Variants in CEMIP observed in about 807,000 individuals in gnomAD.
CEMIP encodes cell migration inducing hyaluronidase 1.
In CEMIP, 105 loss-of-function variants were observed where a neutral mutation model predicts 156.9. The observed-to-expected ratio is 0.67, with a 90% CI of 0.57 to 0.79. CEMIP has a LOEUF of 0.79. CEMIP is among the 30% of genes least tolerant of loss of function. The pLI, the probability that CEMIP is intolerant of heterozygous loss-of-function variation, is 0.00. For synonymous variants in CEMIP, 676 were observed against 668.4 expected, an observed-to-expected ratio of 1.01 and a Z score of -0.17; for missense variants, 1,457 against 1,769.4, an observed-to-expected ratio of 0.82 and a Z score of 3.17.
intron 14 of CEMIP, among the ~76,000 whole-genome samples, chr15:80,918,453 G>T (rs546857856): frequency 2.0e-5 from 3 of 152,270 alleles, no homozygotes; most frequent in Middle Eastern, 3.4e-3. Flanking sequence ...GCATCTAATA[G>T]GTAGAGGCCA....
chr15:80,908,989 GGA>G lies in CEMIP; in HGVS notation c.1588-105_1588-104del, dbSNP rs892839915. 3 of 1,026,490 alleles carry G rather than the reference GGA, an allele frequency of 2.9e-6. No homozygotes were observed. In the African/African-American group the frequency reaches 4.7e-5, roughly 16 times the overall value. The allele number at this position is 1,026,490 out of a possible 1,614,324, so 63.6% of individuals were successfully genotyped here. A position where few individuals can be genotyped will look rare whatever the true frequency, so the allele number is the denominator to read the frequency against. On this transcript the variant is annotated intron_variant, in intron 13 of 29. Transcript: ENST00000394685. ...ATCTTTGATTTACTGAGTACTAAGT[GGA>G]GACTGACAAAGAACAATGCCTCTGC...
chr15:80,852,607 A>AATAT (rs66871205), intron 1 of CEMIP, among the ~76,000 whole-genome samples: 10 of 151,778 alleles, frequency 6.6e-5, no homozygotes, highest in African/African-American at 1.5e-4. Context: ...TGTGGTTTAA[A>AATAT]ATATATATAT....
Position 80,949,142 on chromosome 15 carries a change from CAATGCTGGAAACATTCA to C in CEMIP, c.*219_*235del. The C allele has an allele frequency of 1.6e-6, 1 of 622,758 alleles. No homozygotes were observed. The highest frequency in any genetic ancestry group is 1.8e-5 in the South Asian group (1 of 55,224). The allele number at this position is 622,758 out of a possible 1,614,324, so 38.6% of individuals were successfully genotyped here. A position where few individuals can be genotyped will look rare whatever the true frequency, so the allele number is the denominator to read the frequency against. On this transcript the variant is annotated 3_prime_UTR_variant, in exon 30 of 30. Transcript: ENST00000394685. ...CTGGAGCCCCTGGGGCGGTGCTGGC[CAATGCTGGAAACATTCA>C]CTTTCCTGCAGCCTCTTGGGTGCTT...
Position 80,917,061 on chromosome 15 carries a change from G to A in CEMIP, c.1798-3033G>A, listed in dbSNP as rs1371408575. ...TCACTTATAGAATCGTAGTTGTGAT[G>A]AGGTTTAAATAAGACAACATGTAAA... On this transcript the variant is annotated intron_variant, in intron 14 of 29. Transcript: ENST00000394685. Among the ~76,000 whole-genome samples the A allele has an allele frequency of 2.6e-5, 4 of 152,190 alleles. No homozygotes were observed. In the East Asian group the frequency reaches 7.7e-4, roughly 29 times the overall value.
chr15:80,868,473 A>C (rs1208781539), intron 1 of CEMIP, among the ~76,000 whole-genome samples: 1 of 152,182 alleles, frequency 6.6e-6, no homozygotes, highest in African/African-American at 2.4e-5. Context: ...CCCCCACCCC[A>C]GACCTACCGA....
chr15:80,834,928 CTCTT>C (rs1421611413), intron 1 of CEMIP, among the ~76,000 whole-genome samples: 1 of 151,996 alleles, frequency 6.6e-6, no homozygotes, highest in Non-Finnish European at 1.5e-5. Flanking sequence ...GAAAATTTGT[CTCTT>C]TCTCAAAAAA....
Position 80,951,190 on chromosome 15 carries a change from C to A in CEMIP, c.*2266C>A. On this transcript the variant is annotated 3_prime_UTR_variant, in exon 30 of 30. Coordinates refer to ENST00000394685, the MANE Select transcript of CEMIP (RefSeq NM_001293298.2). Reference sequence around the variant, plus strand: ...AATGCAAGGGTCTCACACTGTGAACCACTTAGGATGTGATCACTTTCAGGT... The same window carrying A: ...AATGCAAGGGTCTCACACTGTGAACAACTTAGGATGTGATCACTTTCAGGT... The A allele has an allele frequency of 6.6e-6, 1 of 152,592 alleles. No individual in the cohort carries two copies. Among genetic ancestry groups the A allele is most frequent in the South Asian group, 2.1e-4 (1 of 4,828 alleles). The allele number at this position is 152,592 out of a possible 1,614,324, so 9.5% of individuals were successfully genotyped here.
chr15:80,896,531 C>T (rs1305378893), intron 12 of CEMIP, among the ~76,000 whole-genome samples: 1 of 152,202 alleles, frequency 6.6e-6, no homozygotes, highest in East Asian at 1.9e-4. Context: ...ATTTGTTAGA[C>T]AGTTATTCAA....
At chr15:80,877,183 G>A (rs935611922) in intron 3 of CEMIP, among the ~76,000 whole-genome samples, 3 of 152,130 alleles carry the variant, frequency 2.0e-5, no homozygotes, top group African/African-American at 7.2e-5. Flanking sequence ...CACAACACAT[G>A]GGAATTGTGA....
At chr15:80,820,428 T>C (rs1264781776) in intron 1 of CEMIP, among the ~76,000 whole-genome samples, 1 of 152,220 alleles carries the variant, frequency 6.6e-6, no homozygotes, top group African/African-American at 2.4e-5. Flanking sequence ...GGGGTCTTCT[T>C]AGCTTAGGAA....
At chr15:80,805,418 G>A (rs190632978) in intron 1 of CEMIP, among the ~76,000 whole-genome samples, 2 of 152,174 alleles carry the variant, frequency 1.3e-5, no homozygotes, top group East Asian at 1.9e-4. Flanking sequence ...GGCGGTTCCC[G>A]TGCTGGGGTG....
At chr15:80,815,434 T>C (rs1194710750) in intron 1 of CEMIP, among the ~76,000 whole-genome samples, 1 of 152,268 alleles carries the variant, frequency 6.6e-6, no homozygotes, top group Non-Finnish European at 1.5e-5. Context: ...TCCAGATTGT[T>C]TGGCTATGAG....
Position 80,932,445 on chromosome 15 carries a change from G to A in CEMIP, c.2793+406G>A. ...GGGAAGTCTTAGCTGATGATGTTCT[G>A]TTTAATCTCTCCCCGAGAGCAGACT... is the stretch of plus-strand genomic sequence containing the variant. On this transcript the variant is annotated intron_variant, in intron 22 of 29. Coordinates refer to ENST00000394685, the MANE Select transcript of CEMIP (RefSeq NM_001293298.2). This position sits in a 1 kb window ranked among gnomAD's most constrained non-coding sequence, Gnocchi z 4.5. 6.6e-6 allele frequency among the ~76,000 whole-genome samples: 1 copy of A among 152,182 alleles called. No homozygotes were observed. Among genetic ancestry groups the A allele is most frequent in the Non-Finnish European group, 1.5e-5 (1 of 68,026 alleles).
At chr15:80,877,066 G>A (rs572371419) in intron 3 of CEMIP, among the ~76,000 whole-genome samples, 34 of 152,240 alleles carry the variant, frequency 2.2e-4, no homozygotes, top group African/African-American at 5.5e-4. Context: ...AGTGAAAGGC[G>A]ATTCCCCTGA....
At chr15:80,832,194 T>G (rs149185849) in intron 1 of CEMIP, among the ~76,000 whole-genome samples, 1 of 152,342 alleles carries the variant, frequency 6.6e-6, no homozygotes, top group East Asian at 1.9e-4. Context: ...TTTAGCAACA[T>G]TTCAGTGGGT....
At chr15:80,936,595 A>C in intron 23 of CEMIP, 79 bp from the exon 24 acceptor site, 3 of 1,258,976 alleles carry the variant, frequency 2.4e-6, no homozygotes, top group Non-Finnish European at 3.5e-6. Context: ...TGCGGTCTAT[A>C]GTCAGATGTT....
chr15:80,870,699 G>A (rs1898261155), intron 1 of CEMIP, among the ~76,000 whole-genome samples: 1 of 152,220 alleles, frequency 6.6e-6, no homozygotes, highest in South Asian at 2.1e-4. Context: ...GACCCTGTGA[G>A]GTCCAGCAAC....
chr15:80,872,479 T>TTTTTTTTTTTTTTTTTTTTGAGACG (rs754996702), intron 1 of CEMIP, among the ~76,000 whole-genome samples: 38 of 149,538 alleles, frequency 2.5e-4, no homozygotes, highest in African/African-American at 9.5e-4. Context: ...AACTTCTATA[T>TTTTTTTTTTTTTTTTTTTTGAGACG]GAGTAAAAGG....
chr15:80,798,811 A>G (rs1335633880), intron 1 of CEMIP, among the ~76,000 whole-genome samples: 5 of 152,244 alleles, frequency 3.3e-5, no homozygotes, highest in Middle Eastern at 6.8e-3. Context: ...ATGCAGTTCA[A>G]TGTGTTGATC....
Sources: allele counts gnomAD v4.1 joint callset (sites outside exome capture counted in the v4.1 genomes callset), GRCh38; gene constraint gnomAD v4.1.1; non-coding constraint Gnocchi (gnomAD v3.1); transcripts MANE v1.5; gene names NCBI Gene and HGNC (gene_info 2026-07-23, HGNC 2026-07-21).